PDZRN3: variants seen among roughly 807,000 people sequenced by gnomAD.
PDZRN3 encodes the protein E3 ubiquitin-protein ligase PDZRN3.
PDZRN3 carries 38 observed loss-of-function variants against 85.7 expected under a neutral mutation model. The ratio of observed to expected loss-of-function variants is 0.44; its 90% CI spans 0.34 to 0.58. The LOEUF (loss-of-function observed/expected upper bound fraction) is 0.58. Among genes scored for constraint, PDZRN3 ranks in the 20% least tolerant of loss-of-function variants. The pLI, the probability that PDZRN3 is intolerant of heterozygous loss-of-function variation, is 0.01. For missense variants in PDZRN3, 1,629 were observed against 1,506.4 expected (o/e 1.08, Z -1.35); for synonymous variants, 759 against 638.0 (o/e 1.19, Z -2.86).
intron 3 of PDZRN3, among the ~76,000 whole-genome samples, chr3:73,443,219 C>A (rs1702677226): frequency 6.6e-6 from 1 of 152,084 alleles, no homozygotes; most frequent in Non-Finnish European, 1.5e-5. Context: ...CACACAAAAC[C>A]CCCCCTACCC....
chr3:73,566,809 C>T lies in PDZRN3; in HGVS notation c.918+35545G>A, dbSNP rs566621762. On this transcript the variant is annotated intron_variant, in intron 3 of 9. Coordinates refer to ENST00000263666, the MANE Select transcript of PDZRN3 (RefSeq NM_015009.3). ...ATAAAGACAAGAAAACGGTGTCTTG[C>T]TGGTGTCTCTGGAGACTGTCATGCC... Among the ~76,000 whole-genome samples, 81 of 152,200 alleles carry T rather than the reference C, an allele frequency of 5.3e-4. 2 individuals are homozygous for T. The East Asian group carries it at 0.015, about 28-fold the overall frequency.
rs1392226191 is a variant in PDZRN3 at position 73,483,031 on chromosome 3, C to T, written c.919-78636G>A. ...CTTAGAGAACAGAAGAGAACAAACA[C>T]GCATGCCTTGCCTTTGCTTTATAAT... is the stretch of plus-strand genomic sequence containing the variant. On this transcript the variant is annotated intron_variant, in intron 3 of 9. Coordinates refer to ENST00000263666, the MANE Select transcript of PDZRN3 (RefSeq NM_015009.3). Among the ~76,000 whole-genome samples the T allele has an allele frequency of 3.3e-5, 5 of 152,290 alleles. No individual in the cohort carries two copies. The South Asian group carries it at 1.0e-3, about 32-fold the overall frequency.
At position 73,536,909 on chromosome 3, in the gene PDZRN3, GT is replaced by G. The variant is rs1704800516; in HGVS notation, c.918+65444del. On this transcript the variant is annotated intron_variant, in intron 3 of 9. Transcript: ENST00000263666. ...GAATTTCTCCTGTATTGCAAGAGTT[GT>G]TTTCGTTGCATATAATCCAGGCCCA... Among the ~76,000 whole-genome samples the G allele has an allele frequency of 3.9e-5, 6 of 152,226 alleles. No individual in the cohort carries two copies. The South Asian group carries it at 1.2e-3, about 32-fold the overall frequency.
At chr3:73,569,861 G>A (rs1473754079) in intron 3 of PDZRN3, among the ~76,000 whole-genome samples, 2 of 152,162 alleles carry the variant, frequency 1.3e-5, no homozygotes, top group African/African-American at 4.8e-5. Context: ...TAAACACTGT[G>A]CCTTGGTTTC....
intron 2 of PDZRN3, among the ~76,000 whole-genome samples, chr3:73,605,575 A>G (rs1559755530): frequency 6.6e-6 from 1 of 152,220 alleles, no homozygotes; most frequent in East Asian, 1.9e-4. Flanking sequence ...CTATTTCACA[A>G]CCCAACCAAG....
intron 1 of PDZRN3, among the ~76,000 whole-genome samples, chr3:73,620,393 C>T (rs6774537): frequency 0.48 from 73,047 of 151,920 alleles, 20,439 homozygotes; most frequent in East Asian, 0.68. Flanking sequence ...CTCTGGAGTG[C>T]TTTTGCTCTA....
intron 8 of PDZRN3, among the ~76,000 whole-genome samples, chr3:73,386,196 A>C (rs1342888113): frequency 7.0e-6 from 1 of 142,778 alleles, no homozygotes; most frequent in Admixed American, 7.2e-5. Context: ...CTGATACAGT[A>C]ACTAGCTGTT....
At chr3:73,555,298 GC>G (rs1393792903) in intron 3 of PDZRN3, among the ~76,000 whole-genome samples, 1 of 152,134 alleles carries the variant, frequency 6.6e-6, no homozygotes, top group African/African-American at 2.4e-5. Flanking sequence ...TGAGTGTGAG[GC>G]CCTGGGGAAG....
Position 73,384,699 on chromosome 3 carries a change from C to G in PDZRN3, c.1867G>C (p.Glu623Gln), listed in dbSNP as rs972237087. 5.6e-6 allele frequency: 9 copies of G among 1,613,940 alleles called. No homozygotes were observed. Among genetic ancestry groups the G allele is most frequent in the African/African-American group, 1.3e-5 (1 of 74,930 alleles). ...GTGCAGTCGGCCGAAATGAAAGACT[C>G]GTTGCTGAAGGGCAGGTCGCCGCTG... ...LGSGDLPFSNESFISADCTDA... is the reference protein window; with the variant it reads ...LGSGDLPFSNQSFISADCTDA... The change falls in exon 10 of 10, where the codon GAG becomes CAG. Residue 623 changes from glutamate (E) to glutamine (Q), a missense_variant. Glu to Gln is a conservative substitution (Grantham distance 29, BLOSUM62 2). Coordinates refer to ENST00000263666, the MANE Select transcript of PDZRN3 (RefSeq NM_015009.3).
chr3:73,602,498 G>A (rs753014303), intron 2 of PDZRN3, 37 bp from the exon 3 acceptor site: 2 of 1,030,262 alleles, frequency 1.9e-6, no homozygotes, highest in Non-Finnish European at 1.5e-6. Flanking sequence ...TGAATGCTAG[G>A]CATTAAGTTG....
At chr3:73,608,834 G>A (rs1702642608) in intron 1 of PDZRN3, 150 bp from the exon 2 acceptor site, 1 of 610,690 alleles carries the variant, frequency 1.6e-6, no homozygotes, top group Non-Finnish European at 2.9e-6. Context: ...GAAACTTCTG[G>A]AACCCAATCT....
intron 3 of PDZRN3, among the ~76,000 whole-genome samples, chr3:73,465,619 C>T (rs940277506): frequency 2.0e-5 from 3 of 152,176 alleles, no homozygotes; most frequent in East Asian, 1.9e-4. Context: ...CAGGAAGTCA[C>T]GATTATTGTT....
At chr3:73,531,627 C>G (rs1216937028) in intron 3 of PDZRN3, among the ~76,000 whole-genome samples, 1 of 152,212 alleles carries the variant, frequency 6.6e-6, no homozygotes, top group African/African-American at 2.4e-5. Flanking sequence ...AAGGAGGCAT[C>G]TCTCCTTCAG....
chr3:73,408,205 G>C, intron 3 of PDZRN3: 3 of 703,136 alleles, frequency 4.3e-6, no homozygotes, highest in Non-Finnish European at 7.8e-6. Flanking sequence ...GCCAGCGTTG[G>C]AATCCTGGCT....
At chr3:73,501,467 A>T (rs561585413) in intron 3 of PDZRN3, among the ~76,000 whole-genome samples, 1 of 152,182 alleles carries the variant, frequency 6.6e-6, no homozygotes, top group East Asian at 1.9e-4. Flanking sequence ...CACTGTCATC[A>T]CTCACCTTGA....
Position 73,624,376 on chromosome 3 carries a change from C to G in PDZRN3, c.450G>C (p.Leu150Phe). 1 of 1,312,018 alleles carries G rather than the reference C, an allele frequency of 7.6e-7. No homozygotes were observed. The highest frequency in any genetic ancestry group is 9.6e-7 in the Non-Finnish European group (1 of 1,037,058). The allele number at this position is 1,312,018 out of a possible 1,614,324, so 81.3% of individuals were successfully genotyped here. Reference protein sequence around the residue: ...GRCQEGCGLPLTHGEQRAGGH... With the variant: ...GRCQEGCGLPFTHGEQRAGGH... ...CGCCCGCGCGCTGCTCGCCGTGCGT[C>G]AAGGGTAGCCCGCAGCCCTCCTGGC... Residue 150 changes from leucine to phenylalanine, a missense_variant, in exon 1 of 10, where the codon TTG (leucine) becomes TTC (phenylalanine). Transcript: ENST00000263666.
intron 3 of PDZRN3, among the ~76,000 whole-genome samples, chr3:73,501,451 A>G (rs1291775276): frequency 6.6e-6 from 1 of 152,042 alleles, no homozygotes; most frequent in African/African-American, 2.4e-5. Flanking sequence ...CTTTCCCTAT[A>G]CAGGCCACTG....
At chr3:73,539,242 T>TG (rs1300167397) in intron 3 of PDZRN3, among the ~76,000 whole-genome samples, 1 of 152,198 alleles carries the variant, frequency 6.6e-6, no homozygotes, top group Non-Finnish European at 1.5e-5. Flanking sequence ...ATGACATAGT[T>TG]TCGAACCACA....
chr3:73,564,741 A>G (rs914929466), intron 3 of PDZRN3, among the ~76,000 whole-genome samples: 4 of 152,232 alleles, frequency 2.6e-5, no homozygotes, highest in African/African-American at 9.6e-5. Context: ...CTCTGAAATT[A>G]GGCAAATGTG....
Sources: gnomAD v4.1 joint callset for allele counts (sites outside exome capture counted in the v4.1 genomes callset) on GRCh38, gnomAD v4.1.1 for gene constraint, MANE v1.5 for transcripts, NCBI Gene and HGNC (gene_info 2026-07-23, HGNC 2026-07-21) for gene names.